Variants in STAT4 observed in about 807,000 individuals in gnomAD.
STAT4 encodes signal transducer and activator of transcription 4.
A neutral mutation model predicts 110.5 loss-of-function variants in STAT4; 42 were observed. The observed-to-expected ratio is 0.38, with a 90% CI of 0.30 to 0.49. The LOEUF (loss-of-function observed/expected upper bound fraction) is 0.49, where lower values mean the gene tolerates loss of function less well. Among genes scored for constraint, STAT4 ranks in the 20% least tolerant of loss-of-function variants. The pLI is 0.95. For missense variants in STAT4, 632 were observed against 887.9 expected, an observed-to-expected ratio of 0.71 and a Z score of 3.66; for synonymous variants, 284 against 302.2, an observed-to-expected ratio of 0.94 and a Z score of 0.63.
At chr2:191,114,454 T>C (rs1376310814) in intron 3 of STAT4, among the ~76,000 whole-genome samples, 1 of 152,156 alleles carries the variant, frequency 6.6e-6, no homozygotes, top group Non-Finnish European at 1.5e-5. Flanking sequence ...GAAGAAACGA[T>C]ATATTTAAAA....
At chr2:191,092,429 T>C (rs1348969025) in intron 3 of STAT4, among the ~76,000 whole-genome samples, 1 of 151,962 alleles carries the variant, frequency 6.6e-6, no homozygotes. Context: ...TCATTATTCA[T>C]GTCTCTGCTT....
At position 191,030,926 on chromosome 2, in the gene STAT4, C is replaced by A; in HGVS notation, c.2220+46G>T. 1.9e-6 allele frequency: 3 copies of A among 1,564,370 alleles called. No homozygotes were observed. Among genetic ancestry groups the A allele is most frequent in the Non-Finnish European group, 2.6e-6 (3 of 1,135,550 alleles). ...TTTGATTCACACACCACCTTTGCAT[C>A]GTTGGAAACACCTTTGACCAGCAAT... On this transcript the variant is annotated intron_variant, in intron 23 of 23. Coordinates refer to ENST00000392320, the MANE Select transcript of STAT4 (RefSeq NM_003151.4). The surrounding 1 kb of genome is among the most constrained non-coding windows in gnomAD (Gnocchi z 4.4).
chr2:191,041,857 G>T (rs1696207746), intron 14 of STAT4, among the ~76,000 whole-genome samples: 1 of 152,210 alleles, frequency 6.6e-6, no homozygotes, highest in Non-Finnish European at 1.5e-5. Context: ...GGCACAGGAG[G>T]GAGGTTTGCT....
At chr2:191,128,210 C>T (rs977166188) in intron 3 of STAT4, among the ~76,000 whole-genome samples, 3 of 152,148 alleles carry the variant, frequency 2.0e-5, no homozygotes, top group East Asian at 1.9e-4. Context: ...GAGTGCTTGA[C>T]GAATTGACTG....
chr2:191,041,689 CT>C (rs765336985), intron 14 of STAT4: 6 of 152,128 alleles, frequency 3.9e-5, no homozygotes, highest in Non-Finnish European at 8.8e-5. Flanking sequence ...ATCTAGATCC[CT>C]GAGTGAAAGG....
intron 17 of STAT4, 93 bp from the exon 18 acceptor site, chr2:191,034,690 G>A (rs1695997322): frequency 3.2e-6 from 3 of 924,988 alleles, no homozygotes; most frequent in Non-Finnish European, 5.4e-6. Context: ...TCCCTTTCAA[G>A]CATTTCTTAA....
chr2:191,044,840 T>C (rs1696304596), intron 14 of STAT4, among the ~76,000 whole-genome samples: 1 of 152,120 alleles, frequency 6.6e-6, no homozygotes, highest in Admixed American at 6.5e-5. Context: ...AGTTTGGGGC[T>C]TAATTAGTGA....
rs944204501 is a variant in STAT4, at chr2:191,147,647, G to T, written c.128+429C>A. ...CACTGAATAGTACACCAAAAACAAT[G>T]GTAAATTTTATGTTATGTGTATTTT... is the stretch of plus-strand genomic sequence containing the variant. On this transcript the variant is annotated intron_variant, in intron 2 of 23. Transcript: ENST00000392320. The surrounding 1 kb of genome is among the most constrained non-coding windows in gnomAD (Gnocchi z 4.1). 6.6e-6 allele frequency among the ~76,000 whole-genome samples: 1 copy of T among 151,882 alleles called. No homozygotes were observed. Among genetic ancestry groups the T allele is most frequent in the African/African-American group, 2.4e-5 (1 of 41,358 alleles).
Position 191,107,465 on chromosome 2 carries a change from T to C in STAT4, c.274-31140A>G, listed in dbSNP as rs1261198087. Among the ~76,000 whole-genome samples, 1 of 152,250 alleles carries C rather than the reference T, an allele frequency of 6.6e-6. No homozygotes were observed. The highest frequency in any genetic ancestry group is 1.9e-4 in the East Asian group (1 of 5,206). On this transcript the variant is annotated intron_variant, in intron 3 of 23. Transcript: ENST00000392320. The surrounding 1 kb of genome is among the most constrained non-coding windows in gnomAD (Gnocchi z 4.2). ...CCTATAGTAATGGGCATAATACTATTACTATCCCCATTTTACACAGAAGAT... is the reference window on the plus strand; with the variant it reads ...CCTATAGTAATGGGCATAATACTATCACTATCCCCATTTTACACAGAAGAT...
chr2:191,141,136 G>C (rs542588853), intron 3 of STAT4, among the ~76,000 whole-genome samples: 172 of 152,060 alleles, frequency 1.1e-3, no homozygotes, highest in African/African-American at 4.1e-3. Context: ...TGAGTGCAGT[G>C]TACACTGCTC....
chr2:191,033,395 C>T lies in STAT4; in HGVS notation c.1852+95G>A. ...TCAAGCCCACTGAATACATCACAGA[C>T]AGATCAACACACCATACACTTCCAA... On this transcript the variant is annotated intron_variant, in intron 20 of 23. Transcript: ENST00000392320. This position sits in a 1 kb window ranked among gnomAD's most constrained non-coding sequence, Gnocchi z 6.9. 7.1e-7 allele frequency: 1 copy of T among 1,402,452 alleles called. No homozygotes were observed. The highest frequency in any genetic ancestry group is 9.6e-7 in the Non-Finnish European group (1 of 1,039,190). 86.9% of individuals were successfully genotyped at this position (1,402,452 alleles called of 1,614,324 possible).
chr2:191,127,757 A>G (rs1432800661), intron 3 of STAT4, among the ~76,000 whole-genome samples: 3 of 152,258 alleles, frequency 2.0e-5, no homozygotes, highest in African/African-American at 7.2e-5. Context: ...TCCACAAAGT[A>G]ATTATTGCAT....
At chr2:191,141,843 C>T (rs1056959664) in intron 3 of STAT4, among the ~76,000 whole-genome samples, 2 of 151,888 alleles carry the variant, frequency 1.3e-5, no homozygotes, top group Non-Finnish European at 2.9e-5. Context: ...GATGGCCAGG[C>T]TGGTCTCAAA....
At position 191,033,825 on chromosome 2, in the gene STAT4, T is replaced by G; in HGVS notation, c.1715+86A>C. ...TTTTTTTCTGTGGTACTAAACATGCTTAAGAGAAAAAGAAAGAAGAAAACC... is the reference window on the plus strand; with the variant it reads ...TTTTTTTCTGTGGTACTAAACATGCGTAAGAGAAAAAGAAAGAAGAAAACC... On this transcript the variant is annotated intron_variant, in intron 19 of 23. Transcript: ENST00000392320. This position sits in a 1 kb window ranked among gnomAD's most constrained non-coding sequence, Gnocchi z 6.9. 1 of 1,392,522 alleles carries G rather than the reference T, an allele frequency of 7.2e-7. No homozygotes were observed. The highest frequency in any genetic ancestry group is 9.8e-7 in the Non-Finnish European group (1 of 1,017,674). The allele number at this position is 1,392,522 out of a possible 1,614,324, so 86.3% of individuals were successfully genotyped here. A position where few individuals can be genotyped will look rare whatever the true frequency, so the allele number is the denominator to read the frequency against.
In STAT4 at chr2:191,039,106, C is replaced by G; in HGVS notation, c.1434+93G>C. ...ATAAAGCAACTCTCACCCCACACCCCACTGGCACACACATGTTTTGATGCA... is the reference window on the plus strand; with the variant it reads ...ATAAAGCAACTCTCACCCCACACCCGACTGGCACACACATGTTTTGATGCA... On this transcript the variant is annotated intron_variant, in intron 16 of 23. Transcript: ENST00000392320. The surrounding 1 kb of genome is among the most constrained non-coding windows in gnomAD (Gnocchi z 4.7). 1 of 1,099,144 alleles carries G rather than the reference C, an allele frequency of 9.1e-7. No individual in the cohort carries two copies. Among genetic ancestry groups the G allele is most frequent in the South Asian group, 1.3e-5 (1 of 78,484 alleles). 68.1% of individuals were successfully genotyped at this position (1,099,144 alleles called of 1,614,324 possible).
Position 191,030,694 on chromosome 2 carries a change from G to A in STAT4, c.2220+278C>T. On this transcript the variant is annotated intron_variant, in intron 23 of 23. Transcript: ENST00000392320. The surrounding 1 kb of genome is among the most constrained non-coding windows in gnomAD (Gnocchi z 4.4). ...GGGGCCCATGGTGCAAGCAGCGATAGTGTGCTTGAGTAGGGTATAGGAATA... is the reference window on the plus strand; with the variant it reads ...GGGGCCCATGGTGCAAGCAGCGATAATGTGCTTGAGTAGGGTATAGGAATA... The A allele has an allele frequency of 3.2e-6, 1 of 307,922 alleles. No homozygotes were observed. The highest frequency in any genetic ancestry group is 6.2e-6 in the Non-Finnish European group (1 of 160,452). 19.1% of individuals were successfully genotyped at this position (307,922 alleles called of 1,614,324 possible). A position where few individuals can be genotyped will look rare whatever the true frequency, so the allele number is the denominator to read the frequency against.
intron 3 of STAT4, among the ~76,000 whole-genome samples, chr2:191,094,326 G>A (rs1697896321): frequency 1.3e-5 from 2 of 152,162 alleles, no homozygotes; most frequent in Admixed American, 6.5e-5. Context: ...AAATTGTTAA[G>A]GGCAGCCAGA....
chr2:191,097,782 AACT>A (rs1169291798), intron 3 of STAT4, among the ~76,000 whole-genome samples: 1 of 152,220 alleles, frequency 6.6e-6, no homozygotes, highest in African/African-American at 2.4e-5. Context: ...GATCTAATTA[AACT>A]ACAGGCTTCA....
rs541096596 is a variant in STAT4, at chr2:191,122,995, C to G, written c.273+23618G>C. Among the ~76,000 whole-genome samples, 6 of 152,318 alleles carry G rather than the reference C, an allele frequency of 3.9e-5. No individual in the cohort carries two copies. In the South Asian group the frequency reaches 1.2e-3, roughly 32 times the overall value. On this transcript the variant is annotated intron_variant, in intron 3 of 23. Coordinates refer to ENST00000392320, the MANE Select transcript of STAT4 (RefSeq NM_003151.4). ...GCTTATTTTGCATCAATAAAAGCATCTTTAAAAAGTGATGCACAAAAGTGA... is the reference window on the plus strand; with the variant it reads ...GCTTATTTTGCATCAATAAAAGCATGTTTAAAAAGTGATGCACAAAAGTGA...
Sources: allele counts gnomAD v4.1 joint callset (sites outside exome capture counted in the v4.1 genomes callset), GRCh38; gene constraint gnomAD v4.1.1; non-coding constraint Gnocchi (gnomAD v3.1); transcripts MANE v1.5; gene names NCBI Gene and HGNC (gene_info 2026-07-23, HGNC 2026-07-21).